Variants in GTF2H5 observed in about 807,000 individuals in gnomAD.
GTF2H5 encodes the protein TFB5 ortholog.
Under a neutral mutation model 7.1 loss-of-function variants are expected in GTF2H5, and 5 were observed. The observed-to-expected ratio is 0.71, with a 90% CI of 0.37 to 1.49. The LOEUF is 1.49. Among genes scored for constraint, GTF2H5 ranks in the 40% most tolerant of loss-of-function variants. The pLI, the probability that GTF2H5 is intolerant of heterozygous loss-of-function variation, is 0.03. For missense variants in GTF2H5, 80 were observed against 83.0 expected, an observed-to-expected ratio of 0.96 and a Z score of 0.14; for synonymous variants, 30 against 31.7, an observed-to-expected ratio of 0.95 and a Z score of 0.18.
rs974095401 is a variant in GTF2H5, at chr6:158,194,261, C to T, written c.*2104C>T. 1 of 152,118 alleles carries T rather than the reference C, an allele frequency of 6.6e-6. No individual in the cohort carries two copies. The highest frequency in any genetic ancestry group is 1.5e-5 in the Non-Finnish European group (1 of 68,026). The allele number at this position is 152,118 out of a possible 1,614,324, so 9.4% of individuals were successfully genotyped here. ...GTTGTACCCGAGCAAGTTAGAGGAA[C>T]GCCACACTTTGAGACGAATTTAAAA... On this transcript the variant is annotated 3_prime_UTR_variant, in exon 3 of 3. Transcript: ENST00000607778.
At chr6:158,169,693 TTA>T (rs1554267111) in intron 1 of GTF2H5, among the ~76,000 whole-genome samples, 1 of 66,148 alleles carries the variant, frequency 1.5e-5, no homozygotes, top group South Asian at 3.7e-4. Context: ...ATAATATATA[TTA>T]TATAATATAT....
chr6:158,176,819 A>G (rs1219105037), intron 2 of GTF2H5, among the ~76,000 whole-genome samples: 1 of 152,238 alleles, frequency 6.6e-6, no homozygotes, highest in Non-Finnish European at 1.5e-5. Context: ...TAGATTATAG[A>G]TTACCTAAAA....
chr6:158,198,687 T>G lies in GTF2H5; in HGVS notation c.*6530T>G, dbSNP rs1388414071. On this transcript the variant is annotated 3_prime_UTR_variant, in exon 3 of 3. Transcript: ENST00000607778. ...TCCCAAAGTGGTGGGATTACAGGCG[T>G]GAGCCAGCGCGCCCGGCCTGGACTT... is the stretch of plus-strand genomic sequence containing the variant. 4 of 152,260 alleles carry G rather than the reference T, an allele frequency of 2.6e-5. No individual in the cohort carries two copies. The highest frequency in any genetic ancestry group is 5.9e-5 in the Non-Finnish European group (4 of 68,076). 9.4% of individuals were successfully genotyped at this position (152,260 alleles called of 1,614,324 possible).
chr6:158,169,462 T>TTG (rs1785739451), intron 1 of GTF2H5, among the ~76,000 whole-genome samples: 1 of 69,880 alleles, frequency 1.4e-5, no homozygotes, highest in African/African-American at 8.8e-5. Flanking sequence ...ATTATATATA[T>TTG]TATATTGTAT....
intron 1 of GTF2H5, among the ~76,000 whole-genome samples, chr6:158,169,700 A>C (rs1180967516): frequency 1.2e-5 from 1 of 81,934 alleles, no homozygotes; most frequent in Non-Finnish European, 2.1e-5. Flanking sequence ...ATATTATATA[A>C]TATATTGTAT....
At chr6:158,183,991 G>A (rs1277998518) in intron 2 of GTF2H5, among the ~76,000 whole-genome samples, 5 of 152,200 alleles carry the variant, frequency 3.3e-5, no homozygotes, top group African/African-American at 1.2e-4. Flanking sequence ...TGTCGATCTT[G>A]CTGGGAGCTG....
At chr6:158,187,570 T>G (rs1041479388) in intron 2 of GTF2H5, among the ~76,000 whole-genome samples, 2 of 152,164 alleles carry the variant, frequency 1.3e-5, no homozygotes, top group African/African-American at 4.8e-5. Flanking sequence ...ATCTCTGTTT[T>G]TTTGTTTGTT....
At chr6:158,180,199 G>T (rs1055570760) in intron 2 of GTF2H5, among the ~76,000 whole-genome samples, 2 of 152,168 alleles carry the variant, frequency 1.3e-5, no homozygotes, top group Admixed American at 6.5e-5. Context: ...TGTTGAACCA[G>T]CCTTGCATCC....
At chr6:158,180,186 G>A (rs979084761) in intron 2 of GTF2H5, among the ~76,000 whole-genome samples, 10 of 152,144 alleles carry the variant, frequency 6.6e-5, no homozygotes, top group South Asian at 6.2e-4. Context: ...ATTGATTTGC[G>A]TATGTTGAAC....
At chr6:158,168,598 G>T (rs1401236782) in intron 1 of GTF2H5, among the ~76,000 whole-genome samples, 1 of 152,204 alleles carries the variant, frequency 6.6e-6, no homozygotes, top group African/African-American at 2.4e-5. Flanking sequence ...TGGGTTTCCT[G>T]TGGGGCTAGG....
At chr6:158,175,869 T>C (rs1240191703) in intron 2 of GTF2H5, among the ~76,000 whole-genome samples, 2 of 152,200 alleles carry the variant, frequency 1.3e-5, no homozygotes, top group Non-Finnish European at 2.9e-5. Flanking sequence ...TTTAATCAAA[T>C]AATATAGCTG....
In GTF2H5 at chr6:158,171,152, C is replaced by G. The variant is rs1583627489; in HGVS notation, c.35+614C>G. Among the ~76,000 whole-genome samples, 3 of 152,122 alleles carry G rather than the reference C, an allele frequency of 2.0e-5. No homozygotes were observed. In the East Asian group the frequency reaches 5.8e-4, roughly 29 times the overall value. ...GCAAGACCAAACCCTAGGACACTGC[C>G]AACATTTAGAACAGCACTAGCCAAT... On this transcript the variant is annotated intron_variant, in intron 2 of 2. Coordinates refer to ENST00000607778, the MANE Select transcript of GTF2H5 (RefSeq NM_207118.3).
chr6:158,175,012 G>A (rs1039593243), intron 2 of GTF2H5, among the ~76,000 whole-genome samples: 1 of 116,096 alleles, frequency 8.6e-6, no homozygotes, highest in Non-Finnish European at 1.8e-5. Context: ...TGCCTGAGAT[G>A]TGTGTGTGTG....
At position 158,174,533 on chromosome 6, in the gene GTF2H5, C is replaced by G. The variant is rs577792066; in HGVS notation, c.35+3995C>G. On this transcript the variant is annotated intron_variant, in intron 2 of 2. Transcript: ENST00000607778. ...TGTTTATAAATTTGCACTTTTATGTCAAAACTGAAAGGTTGGTGAAAATTT... is the reference window on the plus strand; with the variant it reads ...TGTTTATAAATTTGCACTTTTATGTGAAAACTGAAAGGTTGGTGAAAATTT... Among the ~76,000 whole-genome samples, 5 of 152,274 alleles carry G rather than the reference C, an allele frequency of 3.3e-5. No homozygotes were observed. In the East Asian group the frequency reaches 7.7e-4, roughly 23 times the overall value.
chr6:158,183,735 G>A (rs568240326), intron 2 of GTF2H5, among the ~76,000 whole-genome samples: 3 of 152,166 alleles, frequency 2.0e-5, no homozygotes, highest in Non-Finnish European at 4.4e-5. Flanking sequence ...CTCCTGGTCC[G>A]CTTGTTGCGA....
At chr6:158,175,482 C>T (rs973968106) in intron 2 of GTF2H5, among the ~76,000 whole-genome samples, 10 of 152,096 alleles carry the variant, frequency 6.6e-5, no homozygotes, top group African/African-American at 1.9e-4. Flanking sequence ...TTTAGGAAAT[C>T]GCTGGGTGCA....
At chr6:158,169,720 TATATA>T (rs1466484898) in intron 1 of GTF2H5, among the ~76,000 whole-genome samples, 16 of 69,052 alleles carry the variant, frequency 2.3e-4, no homozygotes, top group African/African-American at 1.5e-3. Flanking sequence ...TATTATATAT[TATATA>T]ATATATTGTA....
intron 1 of GTF2H5, among the ~76,000 whole-genome samples, chr6:158,169,730 A>T (rs1457142014): frequency 1.2e-5 from 1 of 86,676 alleles, no homozygotes; most frequent in Non-Finnish European, 2.2e-5. Flanking sequence ...TATATAATAT[A>T]TTGTATATTA....
At chr6:158,168,867 G>A (rs1785687154) in intron 1 of GTF2H5, among the ~76,000 whole-genome samples, 2 of 152,332 alleles carry the variant, frequency 1.3e-5, no homozygotes, top group Non-Finnish European at 2.9e-5. Flanking sequence ...GGAGGCCGAG[G>A]CGGGCAAATC....
Sources: gnomAD v4.1 joint callset for allele counts (sites outside exome capture counted in the v4.1 genomes callset) on GRCh38, gnomAD v4.1.1 for gene constraint, MANE v1.5 for transcripts, NCBI Gene and HGNC (gene_info 2026-07-23, HGNC 2026-07-21) for gene names.